CFHR5: variants seen among roughly 807,000 people sequenced by gnomAD.
The protein encoded by CFHR5 is complement factor H related 5, also known as complement factor H-related protein 5.
In CFHR5, 73 loss-of-function variants were observed where a neutral mutation model predicts 62.9. That is an observed-to-expected ratio of 1.16 (90% CI 0.96 to 1.41). The LOEUF (loss-of-function observed/expected upper bound fraction) is 1.41, where lower values mean the gene tolerates loss of function less well. Ranked by LOEUF, CFHR5 falls within the 40% of genes most tolerant of loss-of-function variation. The pLI, the probability that CFHR5 is intolerant of heterozygous loss-of-function variation, is 0.00. For synonymous variants in CFHR5, 249 were observed against 227.2 expected (o/e 1.10, Z -0.86); for missense variants, 779 against 679.9 (o/e 1.15, Z -1.62).
intron 3 of CFHR5, among the ~76,000 whole-genome samples, chr1:196,985,420 C>A (rs535482290): frequency 1.3e-5 from 2 of 151,346 alleles, no homozygotes. Context: ...GCTGGAACTG[C>A]GATAGTTTTT....
intron 1 of CFHR5, among the ~76,000 whole-genome samples, chr1:196,978,249 G>T (rs1653447923): frequency 6.6e-6 from 1 of 151,912 alleles, no homozygotes; most frequent in South Asian, 2.1e-4. Context: ...ATAAACCAGT[G>T]AACTGCCAAA....
intron 3 of CFHR5, 70 bp downstream of exon 3, chr1:196,984,207 A>C: frequency 1.5e-6 from 2 of 1,296,950 alleles, no homozygotes; most frequent in Non-Finnish European, 2.2e-6. Context: ...TATAGATTAA[A>C]TATAGGTTAA....
intron 1 of CFHR5, among the ~76,000 whole-genome samples, chr1:196,981,853 G>C (rs1362929850): frequency 6.6e-6 from 1 of 151,634 alleles, no homozygotes; most frequent in Admixed American, 6.6e-5. Context: ...TTGTTATATT[G>C]TATTTTTAAT....
In CFHR5 at chr1:196,983,010, C is replaced by T. The variant is rs1210672306; in HGVS notation, c.184C>T (p.Pro62Ser). ...YYSCEYNFVS[P>S]SKSFWTRITC... Reference sequence around the variant, plus strand: ...CTCCTGTGAATATAATTTTGTGTCTCCTTCAAAATCCTTTTGGACTCGCAT... The same window carrying T: ...CTCCTGTGAATATAATTTTGTGTCTTCTTCAAAATCCTTTTGGACTCGCAT... The change falls in exon 2 of 10, where the codon CCT becomes TCT. Residue 62 changes from proline to serine, a missense_variant. Pro to Ser is a moderately conservative substitution (Grantham distance 74). Coordinates refer to ENST00000256785, the MANE Select transcript of CFHR5 (RefSeq NM_030787.4). 8 of 1,613,950 alleles carry T rather than the reference C, an allele frequency of 5.0e-6. No individual in the cohort carries two copies. The highest frequency in any genetic ancestry group is 6.8e-6 in the Non-Finnish European group (8 of 1,180,012).
At chr1:196,990,832 T>C (rs1387998067) in intron 3 of CFHR5, among the ~76,000 whole-genome samples, 4 of 152,186 alleles carry the variant, frequency 2.6e-5, no homozygotes, top group Non-Finnish European at 5.9e-5. Context: ...CCTTGGTGAA[T>C]CTGACAATTA....
At chr1:197,005,843 T>A (rs771463312) in intron 9 of CFHR5, among the ~76,000 whole-genome samples, 1 of 152,130 alleles carries the variant, frequency 6.6e-6, no homozygotes, top group Non-Finnish European at 1.5e-5. Context: ...ATTACCCCAA[T>A]GCCACTATGG....
chr1:196,989,006 T>C (rs933614357), intron 3 of CFHR5, among the ~76,000 whole-genome samples: 1 of 152,052 alleles, frequency 6.6e-6, no homozygotes. Context: ...GTCCTGAACT[T>C]TTTTGGGTGG....
intron 7 of CFHR5, 103 bp from the exon 8 acceptor site, chr1:197,002,375 TAGTG>T (rs1654174921): frequency 1.4e-6 from 1 of 730,478 alleles, no homozygotes; most frequent in Non-Finnish European, 2.4e-6. Flanking sequence ...TAGAGAGACA[TAGTG>T]TGTGTGTGTC....
intron 7 of CFHR5, among the ~76,000 whole-genome samples, chr1:197,001,520 A>G (rs764667202): frequency 6.6e-6 from 1 of 152,034 alleles, no homozygotes; most frequent in Non-Finnish European, 1.5e-5. Flanking sequence ...AGCACTTTCA[A>G]TGCAATAATT....
intron 8 of CFHR5, among the ~76,000 whole-genome samples, chr1:197,004,208 T>C (rs918134036): frequency 6.6e-6 from 1 of 152,164 alleles, no homozygotes; most frequent in African/African-American, 2.4e-5. Flanking sequence ...GCCTACAATA[T>C]TATTTGGTAT....
chr1:196,985,371 T>C (rs1351903627), intron 3 of CFHR5, among the ~76,000 whole-genome samples: 1 of 151,804 alleles, frequency 6.6e-6, no homozygotes, highest in Non-Finnish European at 1.5e-5. Flanking sequence ...TAAAGCAAAA[T>C]GAAATTTAAA....
At chr1:196,983,195 A>G in intron 2 of CFHR5, 116 bp downstream of exon 2, 1 of 1,370,204 alleles carries the variant, frequency 7.3e-7, no homozygotes, top group South Asian at 1.2e-5. Context: ...GAGCTGGAAA[A>G]ATGGGAGATG....
rs35191504 is a variant in CFHR5 at position 196,999,683 on chromosome 1, G to GTATATA, written c.1147+1414_1147+1419dup. ...TTAAACTTATCTATTTTGGGAAAAA[G>GTATATA]TATATATATATATATATATATATAT... On this transcript the variant is annotated intron_variant, in intron 7 of 9. Coordinates refer to ENST00000256785, the MANE Select transcript of CFHR5 (RefSeq NM_030787.4). Among the ~76,000 whole-genome samples, 540 of 110,404 alleles carry GTATATA rather than the reference G, an allele frequency of 4.9e-3. 5 individuals are homozygous for GTATATA. Among genetic ancestry groups the GTATATA allele is most frequent in the African/African-American group, 0.013 (345 of 25,886 alleles). The allele number at this position is 110,404 out of a possible 152,430, so 72.4% of individuals were successfully genotyped here.
intron 1 of CFHR5, among the ~76,000 whole-genome samples, chr1:196,980,840 C>T (rs1653524573): frequency 2.0e-5 from 3 of 151,936 alleles, no homozygotes; most frequent in Admixed American, 2.0e-4. Flanking sequence ...ATGGTGAGAA[C>T]TAAGTTATTC....
chr1:196,999,747 A>ACG (rs1558289093), intron 7 of CFHR5, among the ~76,000 whole-genome samples: 1 of 138,974 alleles, frequency 7.2e-6, no homozygotes, highest in Non-Finnish European at 1.6e-5. Context: ...ATATATACAC[A>ACG]CACATATGTA....
intron 3 of CFHR5, among the ~76,000 whole-genome samples, chr1:196,993,613 A>G (rs1653907498): frequency 6.6e-6 from 1 of 152,098 alleles, no homozygotes. Flanking sequence ...TCTACTTTTT[A>G]TACATCATTT....
In CFHR5 at chr1:196,987,068, G is replaced by A. The variant is rs7527910; in HGVS notation, c.430+2931G>A. 3.6e-3 allele frequency among the ~76,000 whole-genome samples: 549 copies of A among 152,246 alleles called. 1 individual carries two copies. Among genetic ancestry groups the A allele is most frequent in the African/African-American group, 0.013 (527 of 41,544 alleles). On this transcript the variant is annotated intron_variant, in intron 3 of 9. Coordinates refer to ENST00000256785, the MANE Select transcript of CFHR5 (RefSeq NM_030787.4). The stretch of plus-strand genomic sequence containing the variant: ...TTTTTAATGATCGCCATTCTAACTG[G>A]TGTGAGATGGTATCTCATTGTGGTT...
intron 3 of CFHR5, among the ~76,000 whole-genome samples, chr1:196,990,733 G>A (rs975803885): frequency 6.6e-6 from 1 of 152,156 alleles, no homozygotes; most frequent in Non-Finnish European, 1.5e-5. Context: ...TTTCTGCCGA[G>A]AGATCCACTA....
intron 3 of CFHR5, among the ~76,000 whole-genome samples, chr1:196,987,712 A>T (rs573854211): frequency 6.6e-6 from 1 of 152,182 alleles, no homozygotes; most frequent in African/African-American, 2.4e-5. Context: ...GTTCTGTTCC[A>T]TTGGTCTATA....
Sources: allele counts gnomAD v4.1 joint callset (sites outside exome capture counted in the v4.1 genomes callset), GRCh38; gene constraint gnomAD v4.1.1; transcripts MANE v1.5; gene names NCBI Gene and HGNC (gene_info 2026-07-23, HGNC 2026-07-21).